The following MCF2L variants were observed in gnomAD, a reference collection of about 807,000 sequenced individuals.
MCF2L encodes guanine nucleotide exchange factor DBS.
A neutral mutation model predicts 153.4 loss-of-function variants in MCF2L; 97 were observed. The observed-to-expected ratio is 0.63, with a 90% confidence interval of 0.54 to 0.75. The LOEUF (loss-of-function observed/expected upper bound fraction) is 0.75, where lower values mean the gene tolerates loss of function less well. MCF2L is among the 30% of genes least tolerant of loss of function. The probability of loss-of-function intolerance (pLI) is 0.00; values close to 1 mark genes in which losing one functional copy is unlikely to be tolerated. For synonymous variants in MCF2L, 659 were observed against 632.2 expected, an observed-to-expected ratio of 1.04 and a Z score of -0.64; for missense variants, 1,347 against 1,495.2, an observed-to-expected ratio of 0.90 and a Z score of 1.64.
At chr13:112,995,308 G>T (rs923202240) in intron 1 of MCF2L, among the ~76,000 whole-genome samples, 1 of 152,230 alleles carries the variant, frequency 6.6e-6, no homozygotes, top group Admixed American at 6.5e-5. Context: ...ATGCCTGTTT[G>T]CTGAGCATAT....
At chr13:112,930,946 A>G (rs147011902) in intron 2 of MCF2L, among the ~76,000 whole-genome samples, 16 of 152,310 alleles carry the variant, frequency 1.1e-4, no homozygotes, top group Non-Finnish European at 1.8e-4. Flanking sequence ...CAAATAAATA[A>G]ATAAATAGTA....
At chr13:113,096,024 C>T (rs2035617633) in intron 27 of MCF2L, 1 of 413,672 alleles carries the variant, frequency 2.4e-6, no homozygotes, top group Non-Finnish European at 4.3e-6. Context: ...AGGAAGGCCT[C>T]AGCAAAGCAG....
chr13:113,088,920 A>G (rs1200681494), intron 25 of MCF2L, among the ~76,000 whole-genome samples: 2 of 152,192 alleles, frequency 1.3e-5, no homozygotes, highest in Admixed American at 1.3e-4. Context: ...CACTCCTCAG[A>G]CAGTCGGGGC....
At chr13:112,899,035 A>T (rs1411190521) in intron 1 of MCF2L, among the ~76,000 whole-genome samples, 1 of 152,184 alleles carries the variant, frequency 6.6e-6, no homozygotes, top group African/African-American at 2.4e-5. Context: ...CCTGCGGAGA[A>T]GCTGGCTCTC....
intron 1 of MCF2L, among the ~76,000 whole-genome samples, chr13:112,986,501 C>G (rs913756107): frequency 6.6e-6 from 1 of 152,248 alleles, no homozygotes; most frequent in Non-Finnish European, 1.5e-5. Context: ...CCCCACGGTC[C>G]CACTGCCCTC....
At chr13:113,095,391 C>A (rs918676340) in intron 27 of MCF2L, 10 of 1,119,988 alleles carry the variant, frequency 8.9e-6, no homozygotes, top group Non-Finnish European at 1.1e-5. Flanking sequence ...AAGGCCTGGG[C>A]GTGAGAACAG....
chr13:112,973,836 G>A (rs2082131079), intron 1 of MCF2L, among the ~76,000 whole-genome samples: 1 of 152,220 alleles, frequency 6.6e-6, no homozygotes, highest in Admixed American at 6.5e-5. Context: ...ATGCCAGGCA[G>A]CACCTGAGAA....
chr13:113,057,533 T>A (rs1299891441), intron 4 of MCF2L, among the ~76,000 whole-genome samples: 2 of 146,138 alleles, frequency 1.4e-5, no homozygotes, highest in South Asian at 2.2e-4. Context: ...GGGTGCTGAG[T>A]GTTTAGTAGC....
chr13:112,999,394 G>A lies in MCF2L; in HGVS notation c.80-15369G>A, dbSNP rs1035052513. Among the ~76,000 whole-genome samples the A allele has an allele frequency of 8.5e-5, 13 of 152,184 alleles. No individual in the cohort carries two copies. The East Asian group carries it at 1.2e-3, about 14-fold the overall frequency. On this transcript the variant is annotated intron_variant, in intron 1 of 29. Coordinates refer to ENST00000535094, the MANE Select transcript of MCF2L (RefSeq NM_001112732.3). Reference sequence around the variant, plus strand: ...AGGGGCCCCTCCTTCCCCACACGACGCCCTCTCCTTAGAGGACAGCCTCTG... The same window carrying A: ...AGGGGCCCCTCCTTCCCCACACGACACCCTCTCCTTAGAGGACAGCCTCTG...
chr13:113,091,524 T>TATAGGCTCACAGG (rs2035210392), intron 26 of MCF2L, among the ~76,000 whole-genome samples: 1 of 152,206 alleles, frequency 6.6e-6, no homozygotes, highest in African/African-American at 2.4e-5. Context: ...CAGTGGCTGC[T>TATAGGCTCACAGG]GTCGGCTATA....
intron 3 of MCF2L, chr13:113,044,987 C>T (rs1442029616): frequency 1.0e-5 from 15 of 1,464,050 alleles, no homozygotes; most frequent in Non-Finnish European, 1.3e-5. Flanking sequence ...TGACTGAGCT[C>T]GGGAGAGATG....
At chr13:112,961,734 C>G (rs1386967885) in intron 2 of MCF2L, among the ~76,000 whole-genome samples, 1 of 152,232 alleles carries the variant, frequency 6.6e-6, no homozygotes, top group Non-Finnish European at 1.5e-5. Flanking sequence ...CAGTGAGCCC[C>G]TCTGTCCTCC....
intron 4 of MCF2L, among the ~76,000 whole-genome samples, chr13:113,049,113 C>T (rs999733728): frequency 1.0e-4 from 4 of 39,358 alleles, no homozygotes; most frequent in African/African-American, 2.7e-4. Context: ...TGATGGTGGA[C>T]ATTGGATGGG....
Position 113,045,603 on chromosome 13 carries a change from A to G in MCF2L, c.369+242A>G. The G allele has an allele frequency of 1.8e-6, 1 of 569,748 alleles. No homozygotes were observed. The highest frequency in any genetic ancestry group is 3.2e-6 in the Non-Finnish European group (1 of 317,182). The allele number at this position is 569,748 out of a possible 1,614,324, so 35.3% of individuals were successfully genotyped here. ...GGGAGCCCAATGTGACTTGCAAACA[A>G]TTTCCCCAGGCAGAGCAGCCCATAT... On this transcript the variant is annotated intron_variant, in intron 4 of 29. Coordinates refer to ENST00000535094, the MANE Select transcript of MCF2L (RefSeq NM_001112732.3). The surrounding 1 kb of genome is among the most constrained non-coding windows in gnomAD (Gnocchi z 4.2).
At position 112,941,527 on chromosome 13, in the gene MCF2L, C is replaced by G. The variant is rs1329920018; in HGVS notation, c.169+39156C>G. Among the ~76,000 whole-genome samples the G allele has an allele frequency of 6.6e-6, 1 of 151,838 alleles. No homozygotes were observed. The highest frequency in any genetic ancestry group is 1.5e-5 in the Non-Finnish European group (1 of 67,984). On this transcript the variant is annotated intron_variant, in intron 2 of 29. Transcript: ENST00000375608. This position sits in a 1 kb window ranked among gnomAD's most constrained non-coding sequence, Gnocchi z 4.9. The stretch of plus-strand genomic sequence containing the variant: ...GAGTCAACACAGGTGTAGGCGGGCG[C>G]AGGTGTGGATGTCAGGTGATCGAGT...
chr13:113,087,171 C>T (rs898394426), intron 21 of MCF2L, 64 bp from the exon 22 acceptor site: 13 of 1,390,276 alleles, frequency 9.4e-6, no homozygotes, highest in South Asian at 1.3e-5. Flanking sequence ...TTTCACTCAG[C>T]GATGCGCGTC....
chr13:113,096,244 G>C, intron 27 of MCF2L, 127 bp from the exon 28 acceptor site: 2 of 710,940 alleles, frequency 2.8e-6, no homozygotes, highest in Non-Finnish European at 4.8e-6. Context: ...CCCTTCCCCG[G>C]AGCTGGTCGT....
In MCF2L at chr13:113,045,173, A is replaced by G; in HGVS notation, c.279-98A>G. The stretch of plus-strand genomic sequence containing the variant: ...GTATTGCAGAAATGGCATCATGAAT[A>G]TGGGGGATCGCTCTCCCAAGAGGTT... On this transcript the variant is annotated intron_variant, in intron 3 of 29. Transcript: ENST00000535094. The surrounding 1 kb of genome is among the most constrained non-coding windows in gnomAD (Gnocchi z 4.2). 1 of 1,088,338 alleles carries G rather than the reference A, an allele frequency of 9.2e-7. No individual in the cohort carries two copies. Among genetic ancestry groups the G allele is most frequent in the Non-Finnish European group, 1.4e-6 (1 of 704,428 alleles). 67.4% of individuals were successfully genotyped at this position (1,088,338 alleles called of 1,614,324 possible).
intron 3 of MCF2L, chr13:113,044,862 C>T (rs2086710538): frequency 1.2e-6 from 2 of 1,612,928 alleles, no homozygotes; most frequent in East Asian, 2.2e-5. Context: ...CCAGCACGGG[C>T]ACCTCAGATG....
Sources: allele counts gnomAD v4.1 joint callset (sites outside exome capture counted in the v4.1 genomes callset), GRCh38; gene constraint gnomAD v4.1.1; non-coding constraint Gnocchi (gnomAD v3.1); transcripts MANE v1.5; gene names NCBI Gene and HGNC (gene_info 2026-07-23, HGNC 2026-07-21).